Variants in MIPOL1 observed in about 807,000 individuals in gnomAD.
MIPOL1 encodes mirror-image polydactyly gene 1 protein.
In MIPOL1, 57 loss-of-function variants were observed where a neutral mutation model predicts 60.9. The observed-to-expected ratio is 0.94, with a 90% CI of 0.76 to 1.17. MIPOL1 has a LOEUF of 1.17. Ranked by LOEUF, MIPOL1 falls within the 50% of genes most tolerant of loss-of-function variation. The pLI, the probability that MIPOL1 is intolerant of heterozygous loss-of-function variation, is 0.00. For missense variants in MIPOL1, 551 were observed against 511.6 expected, an observed-to-expected ratio of 1.08 and a Z score of -0.74; for synonymous variants, 179 against 168.8, an observed-to-expected ratio of 1.06 and a Z score of -0.47.
At chr14:37,243,606 G>T (rs777466144) in intron 1 of MIPOL1, among the ~76,000 whole-genome samples, 1 of 152,160 alleles carries the variant, frequency 6.6e-6, no homozygotes, top group Non-Finnish European at 1.5e-5. Context: ...ACACAAATTT[G>T]TGATTAAGCT....
At position 37,285,416 on chromosome 14, in the gene MIPOL1, C is replaced by A; in HGVS notation, c.592C>A (p.Arg198=). The A allele has an allele frequency of 2.5e-6, 4 of 1,613,638 alleles. No homozygotes were observed. The highest frequency in any genetic ancestry group is 3.4e-6 in the Non-Finnish European group (4 of 1,179,886). ...AIEERDEAIA[R]AKHMEMSLKV... is the part of the protein sequence containing the mutation. ...TGAGGAGAGAGATGAAGCAATTGCACGAGCCAAGCATATGGAAATGTCTCT... is the reference window on the plus strand; with the variant it reads ...TGAGGAGAGAGATGAAGCAATTGCAAGAGCCAAGCATATGGAAATGTCTCT... The change falls in exon 7 of 13, where the codon CGA becomes AGA. Residue 198 remains arginine (R), a synonymous_variant. Transcript: ENST00000684589.
chr14:37,450,206 C>T (rs1477628831), intron 11 of MIPOL1, among the ~76,000 whole-genome samples: 1 of 152,126 alleles, frequency 6.6e-6, no homozygotes, highest in African/African-American at 2.4e-5. Context: ...CCCTTTACGC[C>T]AGGGCAGTCC....
intron 1 of MIPOL1, among the ~76,000 whole-genome samples, chr14:37,236,812 A>G (rs1971565385): frequency 6.6e-6 from 1 of 152,036 alleles, no homozygotes; most frequent in Admixed American, 6.6e-5. Flanking sequence ...ATGTTCAGCT[A>G]ATGTGTTTAT....
chr14:37,388,954 G>A (rs1484463388), intron 10 of MIPOL1, among the ~76,000 whole-genome samples: 2 of 151,974 alleles, frequency 1.3e-5, no homozygotes, highest in African/African-American at 4.8e-5. Flanking sequence ...CAACTTACCA[G>A]TTGAAGGCTA....
At chr14:37,345,530 G>C (rs1183529426) in intron 9 of MIPOL1, among the ~76,000 whole-genome samples, 1 of 152,152 alleles carries the variant, frequency 6.6e-6, no homozygotes, top group Non-Finnish European at 1.5e-5. Context: ...ACTTTTTCAA[G>C]TTGGCCTCTG....
At position 37,474,040 on chromosome 14, in the gene MIPOL1, T is replaced by C. The variant is rs143990114; in HGVS notation, c.1032-25868T>C. ...CACAGTATGTAGCCTTTTGAGACTG[T>C]CTTCTTTCACTAAGCAATATGCATT... On this transcript the variant is annotated intron_variant, in intron 11 of 12. Transcript: ENST00000684589. 7.0e-3 allele frequency among the ~76,000 whole-genome samples: 1,070 copies of C among 152,306 alleles called. 17 individuals carry two copies. The highest frequency in any genetic ancestry group is 0.023 in the African/African-American group (936 of 41,566).
intron 10 of MIPOL1, among the ~76,000 whole-genome samples, chr14:37,382,176 C>CT (rs2092942435): frequency 6.6e-6 from 1 of 151,866 alleles, no homozygotes; most frequent in African/African-American, 2.4e-5. Context: ...TAACTGAATT[C>CT]TATGTAAAGT....
intron 11 of MIPOL1, among the ~76,000 whole-genome samples, chr14:37,498,288 A>G (rs1448806581): frequency 6.6e-6 from 1 of 152,214 alleles, no homozygotes; most frequent in Non-Finnish European, 1.5e-5. Context: ...AATACTTTGT[A>G]TATATGCACT....
intron 10 of MIPOL1, among the ~76,000 whole-genome samples, chr14:37,416,063 G>C (rs1040709621): frequency 2.6e-5 from 4 of 152,008 alleles, no homozygotes; most frequent in African/African-American, 9.7e-5. Context: ...ATTCATACTT[G>C]AAAGTATTCA....
intron 9 of MIPOL1, among the ~76,000 whole-genome samples, chr14:37,355,799 T>C (rs1200440458): frequency 6.6e-6 from 1 of 150,860 alleles, no homozygotes; most frequent in African/African-American, 2.4e-5. Flanking sequence ...ATTCTAGTTA[T>C]ACATTCTTCT....
At chr14:37,360,428 G>A (rs1483477124) in intron 9 of MIPOL1, among the ~76,000 whole-genome samples, 3 of 152,068 alleles carry the variant, frequency 2.0e-5, no homozygotes, top group Non-Finnish European at 2.9e-5. Context: ...GGTAGAATTC[G>A]GATGTGATCC....
In MIPOL1 at chr14:37,306,658, C is replaced by T. The variant is rs571693468; in HGVS notation, c.624-1398C>T. ...CAACCAATTACTGCTGGTTAAATGC[C>T]ACTCATTTTCTTCAAATATTTTCAC... On this transcript the variant is annotated intron_variant, in intron 7 of 12. Coordinates refer to ENST00000684589, the MANE Select transcript of MIPOL1 (RefSeq NM_001388067.1). Among the ~76,000 whole-genome samples, 4 of 151,872 alleles carry T rather than the reference C, an allele frequency of 2.6e-5. No individual in the cohort carries two copies. The South Asian group carries it at 6.2e-4, about 24-fold the overall frequency.
chr14:37,213,196 C>T (rs184478626), intron 1 of MIPOL1, among the ~76,000 whole-genome samples: 1 of 150,940 alleles, frequency 6.6e-6, no homozygotes, highest in Admixed American at 6.6e-5. Context: ...TTCAGGAAGA[C>T]ATGACCTCAT....
chr14:37,348,952 G>C (rs1395592153), intron 9 of MIPOL1, among the ~76,000 whole-genome samples: 1 of 141,188 alleles, frequency 7.1e-6, no homozygotes, highest in Non-Finnish European at 1.5e-5. Flanking sequence ...CTTTAGCCTC[G>C]TACAGGCGGT....
intron 11 of MIPOL1, among the ~76,000 whole-genome samples, chr14:37,440,593 A>T (rs1202303340): frequency 6.6e-6 from 1 of 152,172 alleles, no homozygotes; most frequent in Non-Finnish European, 1.5e-5. Flanking sequence ...GTGTTGCTAC[A>T]AAAAACATGA....
intron 9 of MIPOL1, among the ~76,000 whole-genome samples, chr14:37,344,156 A>T (rs1175990248): frequency 7.2e-5 from 11 of 152,026 alleles, no homozygotes; most frequent in African/African-American, 2.7e-4. Context: ...ATCCAGTTTA[A>T]TTTTCAAATT....
At chr14:37,374,266 T>C (rs1010953080) in intron 10 of MIPOL1, among the ~76,000 whole-genome samples, 1 of 152,196 alleles carries the variant, frequency 6.6e-6, no homozygotes, top group African/African-American at 2.4e-5. Flanking sequence ...TTAAGTTATT[T>C]GTAGATTCTG....
chr14:37,321,241 C>T (rs1353655249), intron 9 of MIPOL1, among the ~76,000 whole-genome samples: 3 of 151,916 alleles, frequency 2.0e-5, no homozygotes, highest in Non-Finnish European at 4.4e-5. Context: ...TACTGCTTTG[C>T]ATCCCATAAA....
intron 9 of MIPOL1, among the ~76,000 whole-genome samples, chr14:37,332,540 A>G (rs1431763556): frequency 2.0e-5 from 3 of 152,192 alleles, no homozygotes; most frequent in Admixed American, 1.3e-4. Flanking sequence ...TATATGTTAT[A>G]TGTATTATAT....
Sources: gnomAD v4.1 joint callset for allele counts (sites outside exome capture counted in the v4.1 genomes callset) on GRCh38, gnomAD v4.1.1 for gene constraint, MANE v1.5 for transcripts, NCBI Gene and HGNC (gene_info 2026-07-23, HGNC 2026-07-21) for gene names.